CTSL: variants seen among roughly 807,000 people sequenced by gnomAD.
The protein encoded by CTSL is cathepsin L, also known as procathepsin L.
Under a neutral mutation model 34.7 loss-of-function variants are expected in CTSL, and 23 were observed. The ratio of observed to expected loss-of-function variants is 0.66; its 90% confidence interval spans 0.48 to 0.94. The LOEUF is 0.94. CTSL is among the 40% of genes least tolerant of loss of function. The pLI, the probability that CTSL is intolerant of heterozygous loss-of-function variation, is 0.00. For missense variants in CTSL, 361 were observed against 406.3 expected, an observed-to-expected ratio of 0.89 and a Z score of 0.96; for synonymous variants, 129 against 136.7, an observed-to-expected ratio of 0.94 and a Z score of 0.39.
At chr9:87,726,863 T>C (rs1051938776) in intron 1 of CTSL, among the ~76,000 whole-genome samples, 1 of 151,932 alleles carries the variant, frequency 6.6e-6, no homozygotes, top group Non-Finnish European at 1.5e-5. Context: ...GCCAACATGG[T>C]GAAACCCCGT....
intron 6 of CTSL, 58 bp downstream of exon 6, chr9:87,729,793 G>C (rs1826187588): frequency 1.3e-6 from 2 of 1,510,968 alleles, no homozygotes; most frequent in Non-Finnish European, 1.8e-6. Context: ...TGACATACGA[G>C]CATGATAGAC....
At chr9:87,728,938 C>A (rs1826149686) in intron 5 of CTSL, 129 bp downstream of exon 5, 1 of 1,501,734 alleles carries the variant, frequency 6.7e-7, no homozygotes. Flanking sequence ...GTAATCCCAG[C>A]CCTTTAGGAG....
intron 1 of CTSL, among the ~76,000 whole-genome samples, chr9:87,726,827 G>T (rs1410339694): frequency 6.6e-6 from 1 of 152,110 alleles, no homozygotes; most frequent in Non-Finnish European, 1.5e-5. Flanking sequence ...CGGATCACCT[G>T]AGGTCAGTAG....
chr9:87,728,952 GAGCC>G, intron 5 of CTSL, 143 bp downstream of exon 5: 1 of 1,476,150 alleles, frequency 6.8e-7, no homozygotes, highest in Non-Finnish European at 9.0e-7. Context: ...TTAGGAGGCT[GAGCC>G]AGGCAGATGG....
In CTSL at chr9:87,731,189, G is replaced by C. The variant is rs185741972; in HGVS notation, c.*82G>C. 6 of 994,474 alleles carry C rather than the reference G, an allele frequency of 6.0e-6. No homozygotes were observed. The highest frequency in any genetic ancestry group is 9.3e-6 in the Non-Finnish European group (6 of 644,720). The allele number at this position is 994,474 out of a possible 1,614,324, so 61.6% of individuals were successfully genotyped here. A position where few individuals can be genotyped will look rare whatever the true frequency, so the allele number is the denominator to read the frequency against. ...ATTCATCTTCAGTCTACCAGCCCCC[G>C]CTGTGTCGGATACACACTCGAATCA... On this transcript the variant is annotated 3_prime_UTR_variant, in exon 8 of 8. Coordinates refer to ENST00000343150, the MANE Select transcript of CTSL (RefSeq NM_001912.5).
intron 6 of CTSL, 42 bp from the exon 7 acceptor site, chr9:87,730,339 C>A: frequency 7.2e-7 from 1 of 1,389,902 alleles, no homozygotes; most frequent in South Asian, 1.3e-5. Flanking sequence ...TGTCATGTGT[C>A]CTCTGGAGCT....
intron 1 of CTSL, among the ~76,000 whole-genome samples, 179 bp downstream of exon 1, chr9:87,726,577 TG>T (rs1284614224): frequency 6.6e-6 from 1 of 152,208 alleles, no homozygotes; most frequent in Non-Finnish European, 1.5e-5. Flanking sequence ...CCTGGAGCCC[TG>T]GAAGCTGGCT....
intron 5 of CTSL, 131 bp downstream of exon 5, chr9:87,728,940 CT>C: frequency 6.7e-7 from 1 of 1,493,486 alleles, no homozygotes; most frequent in Non-Finnish European, 8.9e-7. Context: ...AATCCCAGCC[CT>C]TTAGGAGGCT....
intron 5 of CTSL, chr9:87,729,121 C>A: frequency 1.8e-6 from 1 of 560,564 alleles, no homozygotes; most frequent in Non-Finnish European, 2.9e-6. Flanking sequence ...GGTGGTTGTG[C>A]AAATGCACTC....
At chr9:87,729,781 C>A in intron 6 of CTSL, 46 bp downstream of exon 6, 1 of 1,562,226 alleles carries the variant, frequency 6.4e-7, no homozygotes, top group Non-Finnish European at 8.7e-7. Flanking sequence ...AAAAGAGTAT[C>A]ATGACATACG....
At chr9:87,729,165 CA>C (rs568121493) in intron 5 of CTSL, among the ~76,000 whole-genome samples, 1,221 of 119,064 alleles carry the variant, frequency 0.01, 12 homozygotes, top group African/African-American at 0.027. Context: ...ACCCTGTCTC[CA>C]AAAAAAAAAA....
At chr9:87,727,270 G>T (rs189584404) in intron 1 of CTSL, among the ~76,000 whole-genome samples, 5 of 152,182 alleles carry the variant, frequency 3.3e-5, no homozygotes, top group Admixed American at 1.3e-4. Context: ...ACCGTTTCCC[G>T]GTTTCCTAGT....
At chr9:87,730,104 G>T (rs1826200884) in intron 6 of CTSL, among the ~76,000 whole-genome samples, 1 of 151,930 alleles carries the variant, frequency 6.6e-6, no homozygotes. Context: ...TATTTTTTTA[G>T]ATTGATATCC....
rs1468766527 is a variant in CTSL, at chr9:87,731,321, T to A, written c.*214T>A. 1 of 383,824 alleles carries A rather than the reference T, an allele frequency of 2.6e-6. No homozygotes were observed. The highest frequency in any genetic ancestry group is 3.8e-5 in the East Asian group (1 of 26,646). 23.8% of individuals were successfully genotyped at this position (383,824 alleles called of 1,614,324 possible). On this transcript the variant is annotated 3_prime_UTR_variant, in exon 8 of 8. Transcript: ENST00000343150. ...AGGTTTATATTATTGATTCACTTAC[T>A]GACTTTGCATTTTCGTTTTTAAAAG...
At chr9:87,729,002 A>C (rs1826151274) in intron 5 of CTSL, 193 bp downstream of exon 5, 3 of 1,393,448 alleles carry the variant, frequency 2.2e-6, no homozygotes, top group Non-Finnish European at 2.8e-6. Flanking sequence ...CCTGGGCAAC[A>C]AGGTGAAACC....
Position 87,728,394 on chromosome 9 carries a change from C to G in CTSL, c.394C>G (p.Gln132Glu). 6.2e-7 allele frequency: 1 copy of G among 1,612,682 alleles called. No homozygotes were observed. Among genetic ancestry groups the G allele is most frequent in the South Asian group, 1.1e-5 (1 of 90,578 alleles). Residue 132 changes from glutamine to glutamate, a missense_variant and splice_region_variant, in exon 4 of 8, where the codon CAG becomes GAG. Transcript: ENST00000343150. ...AGGCTACGTGACTCCTGTGAAGAATCAGGTGAGACAGTGTCAGGTTCAGAC... is the reference window on the plus strand; with the variant it reads ...AGGCTACGTGACTCCTGTGAAGAATGAGGTGAGACAGTGTCAGGTTCAGAC... ...EKGYVTPVKN[Q>E]GQCGSCWAFS... is the part of the protein sequence containing the mutation.
In CTSL at chr9:87,731,114, G is replaced by A. The variant is rs1243075825; in HGVS notation, c.*7G>A. The A allele has an allele frequency of 1.2e-6, 2 of 1,610,478 alleles. No homozygotes were observed. The highest frequency in any genetic ancestry group is 1.3e-5 in the African/African-American group (1 of 74,986). The stretch of plus-strand genomic sequence containing the variant: ...CAGCTACCCCACTGTGTGAGCTGGT[G>A]GACGGTGATGAGGAAGGACTTGACT... On this transcript the variant is annotated 3_prime_UTR_variant, in exon 8 of 8. Coordinates refer to ENST00000343150, the MANE Select transcript of CTSL (RefSeq NM_001912.5).
At position 87,727,728 on chromosome 9, in the gene CTSL, T is replaced by C. The variant is rs748813162; in HGVS notation, c.125T>C (p.Met42Thr). The C allele has an allele frequency of 1.2e-6, 2 of 1,613,932 alleles. No homozygotes were observed. The highest frequency in any genetic ancestry group is 2.7e-5 in the African/African-American group (2 of 74,918). Residue 42 changes from methionine to threonine, a missense_variant and splice_region_variant, in exon 2 of 8, where the codon ATG (methionine) becomes ACG (threonine). By Grantham distance (81) the Met-to-Thr change is moderately conservative. Transcript: ENST00000343150. ...WKAMHNRLYGMNEEGWRRAVW... is the reference protein window; with the variant it reads ...WKAMHNRLYGTNEEGWRRAVW... ...GCGATGCACAACAGATTATACGGCA[T>C]GGTTAGTGAAACTTCCCCAGAAAGA...
Position 87,728,141 on chromosome 9 carries a change from G to C in CTSL, c.241G>C (p.Gly81Arg). The C allele has an allele frequency of 6.2e-7, 1 of 1,614,214 alleles. No individual in the cohort carries two copies. The highest frequency in any genetic ancestry group is 8.5e-7 in the Non-Finnish European group (1 of 1,180,034). ...HSFTMAMNAFGDMTSEEFRQV... is the reference protein window; with the variant it reads ...HSFTMAMNAFRDMTSEEFRQV... ...CTTCACAATGGCCATGAACGCCTTT[G>C]GAGACATGGTAAGTGTGCTGTGGAC... The change falls in exon 3 of 8, where the codon GGA (glycine) becomes CGA (arginine). Residue 81 changes from glycine (G) to arginine (R), a missense_variant. By Grantham distance (125) the Gly-to-Arg change is moderately radical. Transcript: ENST00000343150.
Sources: allele counts gnomAD v4.1 joint callset (sites outside exome capture counted in the v4.1 genomes callset), GRCh38; gene constraint gnomAD v4.1.1; transcripts MANE v1.5; gene names NCBI Gene and HGNC (gene_info 2026-07-23, HGNC 2026-07-21).